The following KRIT1 variants were observed in gnomAD, a reference collection of about 807,000 sequenced individuals.
KRIT1 encodes the protein krev interaction trapped protein 1.
In KRIT1, 45 loss-of-function variants were observed where a neutral mutation model predicts 95.8. The ratio of observed to expected loss-of-function variants is 0.47; its 90% CI spans 0.37 to 0.60. KRIT1 has a LOEUF of 0.60. Among genes scored for constraint, KRIT1 ranks in the 20% least tolerant of loss-of-function variants. The pLI, the probability that KRIT1 is intolerant of heterozygous loss-of-function variation, is 0.00. For synonymous variants in KRIT1, 282 were observed against 278.8 expected, an observed-to-expected ratio of 1.01 and a Z score of -0.11; for missense variants, 788 against 877.5, an observed-to-expected ratio of 0.90 and a Z score of 1.29.
rs374083284 is a variant in KRIT1, at chr7:92,236,677, C to G, written c.356-135G>C. 1.5e-5 allele frequency: 10 copies of G among 657,386 alleles called. 1 individual carries two copies. The highest frequency in any genetic ancestry group is 2.9e-5 in the East Asian group (1 of 35,050). 40.7% of individuals were successfully genotyped at this position (657,386 alleles called of 1,614,324 possible). A position where few individuals can be genotyped will look rare whatever the true frequency, so the allele number is the denominator to read the frequency against. On this transcript the variant is annotated intron_variant, in intron 6 of 18. Coordinates refer to ENST00000394505, the MANE Select transcript of KRIT1 (RefSeq NM_194454.3). ...TTGTTCTAGATTTGGAATTAGAAGG[C>G]CTGGATTCAAGTGATGACTAGCTCT... is the stretch of plus-strand genomic sequence containing the variant.
Position 92,237,758 on chromosome 7 carries a change from T to C in KRIT1, c.264A>G (p.Gly88=), listed in dbSNP as rs201877439. The C allele has an allele frequency of 1.0e-4, 162 of 1,552,298 alleles. 1 individual carries two copies. The highest frequency in any genetic ancestry group is 1.3e-4 in the Non-Finnish European group (148 of 1,124,104). Residue 88 remains glycine (G), a splice_region_variant and synonymous_variant, in exon 6 of 19, where the codon GGA becomes GGG. Coordinates refer to ENST00000394505, the MANE Select transcript of KRIT1 (RefSeq NM_194454.3). The stretch of plus-strand genomic sequence containing the variant: ...ATTTTTTCATTAGTACAACTCGTTT[T>C]CCTAATCATTTTTAAAAAGTTAGCA... The part of the protein sequence containing the change: ...PISPANQGIR[G]KRVVLMKKFP...
At chr7:92,207,287 T>C (rs189099600) in intron 17 of KRIT1, among the ~76,000 whole-genome samples, 302 of 152,200 alleles carry the variant, frequency 2.0e-3, no homozygotes, top group African/African-American at 5.7e-3. Flanking sequence ...TATAAGGACA[T>C]TGCCATCAAA....
At chr7:92,210,097 A>T (rs1563232075) in intron 17 of KRIT1, among the ~76,000 whole-genome samples, 1 of 152,168 alleles carries the variant, frequency 6.6e-6, no homozygotes, top group Non-Finnish European at 1.5e-5. Flanking sequence ...AATCAATAAA[A>T]ATAAAACAGC....
rs1036141797 is a variant in KRIT1 at position 92,199,802 on chromosome 7, C to A, written c.*934G>T. On this transcript the variant is annotated 3_prime_UTR_variant, in exon 19 of 19. Transcript: ENST00000394505. ...AATTTAAGTTCACAAGGCCATGCTA[C>A]TTCCAGAGAGTGAATGCCCTTGTTT... The A allele has an allele frequency of 5.9e-5, 9 of 152,180 alleles. No individual in the cohort carries two copies. The highest frequency in any genetic ancestry group is 2.2e-4 in the African/African-American group (9 of 41,438). 9.4% of individuals were successfully genotyped at this position (152,180 alleles called of 1,614,324 possible). A position where few individuals can be genotyped will look rare whatever the true frequency, so the allele number is the denominator to read the frequency against.
At chr7:92,223,430 A>G (rs1795571895) in intron 12 of KRIT1, among the ~76,000 whole-genome samples, 1 of 149,804 alleles carries the variant, frequency 6.7e-6, no homozygotes, top group Non-Finnish European at 1.5e-5. Context: ...GTGACAGAGC[A>G]AGACTCCATC....
chr7:92,199,492 C>A lies in KRIT1; in HGVS notation c.*1244G>T. 6.6e-6 allele frequency: 1 copy of A among 152,186 alleles called. No homozygotes were observed. The highest frequency in any genetic ancestry group is 1.9e-4 in the East Asian group (1 of 5,200). 9.4% of individuals were successfully genotyped at this position (152,186 alleles called of 1,614,324 possible). On this transcript the variant is annotated 3_prime_UTR_variant, in exon 19 of 19. Coordinates refer to ENST00000394505, the MANE Select transcript of KRIT1 (RefSeq NM_194454.3). ...GAATAGCACATTCATCAAGTTGGCTCTTCATCTATATCACTACTTTCCTAA... is the reference window on the plus strand; with the variant it reads ...GAATAGCACATTCATCAAGTTGGCTATTCATCTATATCACTACTTTCCTAA...
At chr7:92,229,700 T>C (rs1216076213) in intron 10 of KRIT1, among the ~76,000 whole-genome samples, 1 of 152,212 alleles carries the variant, frequency 6.6e-6, no homozygotes, top group African/African-American at 2.4e-5. Flanking sequence ...TCCCACTATG[T>C]TTTAGCATTC....
In KRIT1 at chr7:92,214,624, G is replaced by C; in HGVS notation, c.1717C>G (p.Gln573Glu). The C allele has an allele frequency of 6.2e-7, 1 of 1,611,078 alleles. No individual in the cohort carries two copies. The highest frequency in any genetic ancestry group is 8.5e-7 in the Non-Finnish European group (1 of 1,177,430). Residue 573 changes from glutamine to glutamate, a missense_variant, in exon 15 of 19, where the codon CAA becomes GAA. Gln to Glu is a conservative substitution (Grantham distance 29, BLOSUM62 2). Around this residue, in one of 3 missense-constraint regions of KRIT1, gnomAD observed 493 missense variants for 582.3 expected, o/e 0.85. Coordinates refer to ENST00000394505, the MANE Select transcript of KRIT1 (RefSeq NM_194454.3). The part of the protein sequence containing the change: ...YGNYESKKHK[Q>E]GFLNEENLKS... The stretch of plus-strand genomic sequence containing the variant: ...TTAAATACTTACTTTAGGAAACCTT[G>C]CTTGTGTTTTTTACTCTCATAATTT...
chr7:92,238,809 G>C (rs1411978874), intron 5 of KRIT1, among the ~76,000 whole-genome samples: 1 of 152,148 alleles, frequency 6.6e-6, no homozygotes, highest in Non-Finnish European at 1.5e-5. Flanking sequence ...CTCTACCAAT[G>C]GAAATGCTTA....
intron 3 of KRIT1, 70 bp from the exon 4 acceptor site, chr7:92,242,207 T>A (rs1037588252): frequency 2.3e-6 from 2 of 854,022 alleles, no homozygotes; most frequent in East Asian, 2.4e-5. Context: ...TAAAAAAAAG[T>A]AATGCATCTT....
intron 12 of KRIT1, among the ~76,000 whole-genome samples, chr7:92,225,490 T>C (rs1796027272): frequency 6.6e-6 from 1 of 152,124 alleles, no homozygotes; most frequent in African/African-American, 2.4e-5. Context: ...GTATTTTTCA[T>C]AGAGATGGGG....
At chr7:92,229,185 GA>G (rs2131566814) in intron 10 of KRIT1, among the ~76,000 whole-genome samples, 1 of 152,278 alleles carries the variant, frequency 6.6e-6, no homozygotes, top group East Asian at 1.9e-4. Context: ...CACAATGGTT[GA>G]ACTAATTTAC....
intron 17 of KRIT1, 77 bp downstream of exon 17, chr7:92,213,118 T>C (rs1793233104): frequency 1.0e-6 from 1 of 995,344 alleles, no homozygotes; most frequent in Admixed American, 1.8e-5. Flanking sequence ...ATGCCATTTC[T>C]AAATTCTTCA....
At chr7:92,223,648 G>C (rs536929441) in intron 12 of KRIT1, among the ~76,000 whole-genome samples, 3 of 152,188 alleles carry the variant, frequency 2.0e-5, no homozygotes, top group African/African-American at 7.2e-5. Context: ...ACTGAATCTA[G>C]TGTTCGTCAA....
intron 17 of KRIT1, among the ~76,000 whole-genome samples, chr7:92,210,149 T>C (rs936493758): frequency 6.6e-6 from 1 of 152,240 alleles, no homozygotes; most frequent in South Asian, 2.1e-4. Context: ...GCAATCTTTA[T>C]TGAAATACCA....
intron 17 of KRIT1, among the ~76,000 whole-genome samples, chr7:92,207,399 T>A (rs890130007): frequency 9.9e-5 from 15 of 151,322 alleles, no homozygotes; most frequent in Non-Finnish European, 5.9e-5. Context: ...TTATATTAGG[T>A]TGGTGCAAAA....
At chr7:92,246,029 C>G (rs960976310), upstream of KRIT1, 1 of 265,664 alleles carries the variant, frequency 3.8e-6, no homozygotes. Context: ...CCTGCAGTCT[C>G]TCAGGGGCTG....
At chr7:92,239,837 A>G (rs1212094109) in intron 5 of KRIT1, among the ~76,000 whole-genome samples, 1 of 150,940 alleles carries the variant, frequency 6.6e-6, no homozygotes, top group Non-Finnish European at 1.5e-5. Flanking sequence ...CAGCCTCCTG[A>G]GTAGCTGGGA....
At chr7:92,201,567 G>A in intron 17 of KRIT1, 144 bp from the exon 18 acceptor site, 1 of 637,058 alleles carries the variant, frequency 1.6e-6, no homozygotes, top group Non-Finnish European at 2.8e-6. Context: ...TTAAGTTCTG[G>A]GGTACACGTG....
Sources: gnomAD v4.1 joint callset for allele counts (sites outside exome capture counted in the v4.1 genomes callset) on GRCh38, gnomAD v4.1.1 for gene constraint, gnomAD v4.1.1 regional missense constraint, MANE v1.5 for transcripts, NCBI Gene and HGNC (gene_info 2026-07-23, HGNC 2026-07-21) for gene names.